Variants in GALNT17 observed in about 807,000 individuals in gnomAD.
GALNT17 encodes the protein UDP-GalNAc:polypeptide N-acetylgalactosaminyltransferase-like 3.
Under a neutral mutation model 63.7 loss-of-function variants are expected in GALNT17, and 29 were observed. That is an observed-to-expected ratio of 0.46 (90% CI 0.34 to 0.62). GALNT17 has a LOEUF of 0.62. Ranked by LOEUF, GALNT17 falls within the 20% of genes least tolerant of loss-of-function variation. The pLI is 0.01. For missense variants in GALNT17, 603 were observed against 799.6 expected (o/e 0.75, Z 2.97); for synonymous variants, 305 against 318.3 (o/e 0.96, Z 0.45).
intron 5 of GALNT17, among the ~76,000 whole-genome samples, chr7:71,436,731 A>T (rs554430605): frequency 3.4e-4 from 44 of 131,286 alleles, no homozygotes; most frequent in Admixed American, 7.0e-4. Flanking sequence ...AAAAAAAATA[A>T]AAAATAAAAC....
chr7:71,316,131 A>G (rs1791493777), intron 1 of GALNT17, among the ~76,000 whole-genome samples: 1 of 146,890 alleles, frequency 6.8e-6, no homozygotes, highest in African/African-American at 2.5e-5. Context: ...TGTGCTTGCA[A>G]CTGGAAATGG....
At chr7:71,319,556 A>G (rs887786120) in intron 1 of GALNT17, among the ~76,000 whole-genome samples, 16 of 151,986 alleles carry the variant, frequency 1.1e-4, no homozygotes, top group African/African-American at 3.6e-4. Context: ...CCAATTTTCT[A>G]TCTCCAATTC....
intron 1 of GALNT17, among the ~76,000 whole-genome samples, chr7:71,272,897 G>C (rs1277408732): frequency 6.6e-6 from 1 of 152,044 alleles, no homozygotes; most frequent in Admixed American, 6.5e-5. Flanking sequence ...AGTTAATCAT[G>C]TCTGCTTTTT....
chr7:71,249,373 A>AGGG (rs1208456927), intron 1 of GALNT17, among the ~76,000 whole-genome samples: 3 of 152,044 alleles, frequency 2.0e-5, no homozygotes, highest in Non-Finnish European at 2.9e-5. Context: ...GTGATCTCTC[A>AGGG]CCTTTTTTGG....
chr7:71,657,893 GAT>G (rs879934848), intron 6 of GALNT17, among the ~76,000 whole-genome samples: 418 of 22,570 alleles, frequency 0.019, 1 homozygote, highest in Middle Eastern at 0.059. Flanking sequence ...TGGATGGATG[GAT>G]GGATGGATGG....
chr7:71,241,846 G>T (rs535512510), intron 1 of GALNT17, among the ~76,000 whole-genome samples: 4 of 152,078 alleles, frequency 2.6e-5, no homozygotes, highest in African/African-American at 9.7e-5. Context: ...CCATGATCAC[G>T]CCCCTGCACC....
intron 1 of GALNT17, among the ~76,000 whole-genome samples, chr7:71,299,698 A>G (rs1436057763): frequency 1.3e-5 from 2 of 152,044 alleles, no homozygotes; most frequent in African/African-American, 4.8e-5. Flanking sequence ...CAAGGGTCAG[A>G]CTGAACCCTA....
chr7:71,701,881 G>GTGTA (rs1554326593), intron 9 of GALNT17, among the ~76,000 whole-genome samples: 9,428 of 89,496 alleles, frequency 0.11, 651 homozygotes, highest in South Asian at 0.16. Flanking sequence ...ATATATATAT[G>GTGTA]TATATATATA....
chr7:71,431,764 G>A (rs1786871455), intron 5 of GALNT17, among the ~76,000 whole-genome samples: 1 of 152,142 alleles, frequency 6.6e-6, no homozygotes, highest in South Asian at 2.1e-4. Flanking sequence ...CTGCAAATGA[G>A]TGTGTTTGGG....
intron 6 of GALNT17, among the ~76,000 whole-genome samples, chr7:71,636,158 T>C (rs575853907): frequency 1.3e-5 from 2 of 152,314 alleles, no homozygotes; most frequent in Middle Eastern, 3.4e-3. Flanking sequence ...GTATTTATCT[T>C]TTCTATGTAT....
At chr7:71,343,508 A>T (rs1410214944) in intron 2 of GALNT17, among the ~76,000 whole-genome samples, 4 of 152,164 alleles carry the variant, frequency 2.6e-5, no homozygotes, top group Non-Finnish European at 5.9e-5. Context: ...GCTGTTTTCC[A>T]TTTTGTTTTA....
In GALNT17 at chr7:71,561,847, A is replaced by G. The variant is rs533903165; in HGVS notation, c.963-9438A>G. On this transcript the variant is annotated intron_variant, in intron 5 of 10. Transcript: ENST00000333538. ...CGGGAGAATGTCACCAAACAGGGGA[A>G]TGAGGGGTGGGTGGAAGACACTGGT... 1.5e-4 allele frequency among the ~76,000 whole-genome samples: 23 copies of G among 152,034 alleles called. No homozygotes were observed. In the South Asian group the frequency reaches 3.7e-3, roughly 25 times the overall value.
chr7:71,706,433 GTTAA>G (rs1396527667), intron 9 of GALNT17, among the ~76,000 whole-genome samples: 2 of 152,188 alleles, frequency 1.3e-5, no homozygotes, highest in Admixed American at 6.5e-5. Flanking sequence ...GATATGCTCA[GTTAA>G]TTAATGTTCT....
Position 71,246,129 on chromosome 7 carries a change from T to G in GALNT17, c.239-89421T>G, listed in dbSNP as rs1464138934. ...CTTTTTTCGTTGTTTTTTTTTTTTT[T>G]TTTTTTTTTTGAGACAGAGGCTTGC... On this transcript the variant is annotated intron_variant, in intron 1 of 10. Coordinates refer to ENST00000333538, the MANE Select transcript of GALNT17 (RefSeq NM_022479.3). Among the ~76,000 whole-genome samples the G allele has an allele frequency of 7.7e-5, 11 of 142,472 alleles. No individual in the cohort carries two copies. The East Asian group carries it at 1.6e-3, about 21-fold the overall frequency. The allele number at this position is 142,472 out of a possible 152,430, so 93.5% of individuals were successfully genotyped here. A position where few individuals can be genotyped will look rare whatever the true frequency, so the allele number is the denominator to read the frequency against.
At chr7:71,450,138 GA>G (rs374712044) in intron 5 of GALNT17, among the ~76,000 whole-genome samples, 21,305 of 97,596 alleles carry the variant, frequency 0.22, 1,636 homozygotes, top group South Asian at 0.33. Flanking sequence ...AGTATTTAAA[GA>G]TTTTTTTTTT....
intron 5 of GALNT17, among the ~76,000 whole-genome samples, chr7:71,524,032 C>T (rs1252832402): frequency 6.6e-6 from 1 of 150,672 alleles, no homozygotes; most frequent in South Asian, 2.1e-4. Context: ...GCAGGAGAAT[C>T]GCTTGAACCC....
intron 5 of GALNT17, among the ~76,000 whole-genome samples, chr7:71,496,357 G>C (rs1332119942): frequency 6.6e-6 from 1 of 152,104 alleles, no homozygotes; most frequent in Non-Finnish European, 1.5e-5. Context: ...ACTCTGGTGG[G>C]GGTGGGGAGA....
At chr7:71,141,534 A>C (rs1343877864) in intron 1 of GALNT17, among the ~76,000 whole-genome samples, 1 of 152,170 alleles carries the variant, frequency 6.6e-6, no homozygotes, top group South Asian at 2.1e-4. Context: ...CATAAGCATG[A>C]AACCCAACAC....
chr7:71,363,980 A>G (rs1012098743), intron 2 of GALNT17, among the ~76,000 whole-genome samples: 15 of 152,230 alleles, frequency 9.9e-5, no homozygotes, highest in Non-Finnish European at 2.1e-4. Context: ...AACTTAAAGT[A>G]TGCAAGGAGG....
Sources: gnomAD v4.1 joint callset for allele counts (sites outside exome capture counted in the v4.1 genomes callset) on GRCh38, gnomAD v4.1.1 for gene constraint, MANE v1.5 for transcripts, NCBI Gene and HGNC (gene_info 2026-07-23, HGNC 2026-07-21) for gene names.